The following DPP6 variants were observed in gnomAD, a reference collection of about 807,000 sequenced individuals.
The protein encoded by DPP6 is dipeptidyl peptidase like 6.
A neutral mutation model predicts 122.6 loss-of-function variants in DPP6; 69 were observed. That is an observed-to-expected ratio of 0.56 (90% CI 0.46 to 0.69). DPP6 has a LOEUF of 0.69. Ranked by LOEUF, DPP6 falls within the 30% of genes least tolerant of loss-of-function variation. The pLI is 0.00. For synonymous variants in DPP6, 418 were observed against 433.1 expected (o/e 0.97, Z 0.43); for missense variants, 928 against 1,116.9 (o/e 0.83, Z 2.41).
chr7:154,525,062 G>T (rs1303181007), intron 3 of DPP6, among the ~76,000 whole-genome samples: 1 of 152,198 alleles, frequency 6.6e-6, no homozygotes, highest in African/African-American at 2.4e-5. Context: ...CAAGTGTGTA[G>T]TTTTGAACAA....
At chr7:153,951,089 G>GA (rs1802188842) in intron 1 of DPP6, among the ~76,000 whole-genome samples, 1 of 144,476 alleles carries the variant, frequency 6.9e-6, no homozygotes, top group Admixed American at 7.2e-5. Context: ...TAAGAGGGAA[G>GA]AAATAAAAAA....
intron 1 of DPP6, among the ~76,000 whole-genome samples, chr7:153,941,759 A>C: frequency 6.6e-6 from 1 of 152,224 alleles, no homozygotes; most frequent in East Asian, 1.9e-4. Context: ...TAAGAAATGC[A>C]GTCCCAATCT....
chr7:154,848,325 C>G lies in DPP6; in HGVS notation c.1667-5455C>G, dbSNP rs1213531270. Among the ~76,000 whole-genome samples the G allele has an allele frequency of 3.9e-4, 55 of 140,542 alleles. 1 individual carries two copies. Among genetic ancestry groups the G allele is most frequent in the Non-Finnish European group, 8.0e-5 (5 of 62,116 alleles). 92.2% of individuals were successfully genotyped at this position (140,542 alleles called of 152,430 possible). On this transcript the variant is annotated intron_variant, in intron 16 of 25. Transcript: ENST00000377770. ...AGGTTTCCTTTTCTCCACATGCTTG[C>G]CGACACTTGTTAGCTTTTTTTTCTT...
At chr7:154,291,686 C>T (rs1170072315) in intron 1 of DPP6, among the ~76,000 whole-genome samples, 1 of 152,204 alleles carries the variant, frequency 6.6e-6, no homozygotes, top group Non-Finnish European at 1.5e-5. Context: ...TGACTCATTT[C>T]TTCATGTGGA....
upstream of DPP6, among the ~76,000 whole-genome samples, chr7:153,882,756 C>G (rs569228696): frequency 6.6e-6 from 1 of 151,974 alleles, no homozygotes; most frequent in African/African-American, 2.4e-5. Context: ...CATGGCAGAT[C>G]CTATGGGACT....
chr7:154,080,761 CA>C (rs1247057705), intron 1 of DPP6, among the ~76,000 whole-genome samples: 20 of 151,628 alleles, frequency 1.3e-4, no homozygotes, highest in Middle Eastern at 3.5e-3. Flanking sequence ...TTGAAACATG[CA>C]GTGGAAATAT....
intron 1 of DPP6, among the ~76,000 whole-genome samples, chr7:154,133,964 A>T (rs1222924839): frequency 2.0e-5 from 3 of 151,588 alleles, no homozygotes; most frequent in South Asian, 2.1e-4. Flanking sequence ...ATGTGATGGG[A>T]CACACCCCAT....
rs538352746 is a variant in DPP6, at chr7:154,335,725, C to T, written c.244-110489C>T. 6.6e-5 allele frequency among the ~76,000 whole-genome samples: 10 copies of T among 152,152 alleles called. No individual in the cohort carries two copies. The South Asian group carries it at 8.3e-4, about 13-fold the overall frequency. On this transcript the variant is annotated intron_variant, in intron 1 of 25. Coordinates refer to ENST00000377770, the MANE Select transcript of DPP6 (RefSeq NM_130797.4). ...TGCAGGCTCAGGAAAGTGACTGATG[C>T]GCTGTGTTCTAATGTGGAATTCTAC...
chr7:154,154,038 C>T (rs1796560709), intron 1 of DPP6, among the ~76,000 whole-genome samples: 1 of 152,230 alleles, frequency 6.6e-6, no homozygotes, highest in South Asian at 2.1e-4. Flanking sequence ...ATTGTTCCTT[C>T]AATTCCCATC....
Position 154,152,304 on chromosome 7 carries a change from TG to T in DPP6, c.243+99245del, listed in dbSNP as rs1292599034. ...AGCACATGAACCAGGGGTACAGGGA[TG>T]GGGTGCGACCAGCAGCTAATCTAAC... On this transcript the variant is annotated intron_variant, in intron 1 of 25. Coordinates refer to ENST00000377770, the MANE Select transcript of DPP6 (RefSeq NM_130797.4). Among the ~76,000 whole-genome samples, 13 of 152,112 alleles carry T rather than the reference TG, an allele frequency of 8.5e-5. No individual in the cohort carries two copies. In the East Asian group the frequency reaches 2.5e-3, roughly 29 times the overall value.
chr7:154,075,310 A>G (rs373085961), intron 1 of DPP6, among the ~76,000 whole-genome samples: 21 of 152,294 alleles, frequency 1.4e-4, no homozygotes, highest in Admixed American at 4.6e-4. Context: ...CTGTGTATCT[A>G]TCTACCCAGC....
At chr7:153,899,773 GGTGAGT>G in intron 1 of DPP6, among the ~76,000 whole-genome samples, 1 of 152,346 alleles carries the variant, frequency 6.6e-6, no homozygotes, top group East Asian at 1.9e-4. Flanking sequence ...TGAGTGTGTA[GGTGAGT>G]GTGAATGTGT....
chr7:154,867,713 A>G (rs1302902112), intron 17 of DPP6, among the ~76,000 whole-genome samples: 2 of 152,204 alleles, frequency 1.3e-5, no homozygotes, highest in East Asian at 1.9e-4. Context: ...TGTGCGTGTG[A>G]CGCCACGGAG....
intron 1 of DPP6, among the ~76,000 whole-genome samples, chr7:154,174,248 CTGAAATA>C (rs896676774): frequency 3.3e-5 from 5 of 152,132 alleles, no homozygotes; most frequent in Non-Finnish European, 7.4e-5. Context: ...CATTGGAAAA[CTGAAATA>C]ATAAAAAGAA....
At chr7:154,813,999 G>A (rs1488909536) in intron 16 of DPP6, among the ~76,000 whole-genome samples, 1 of 147,722 alleles carries the variant, frequency 6.8e-6, no homozygotes, top group African/African-American at 2.5e-5. Flanking sequence ...TCCTGCCTCA[G>A]CCTCTTGAGT....
intron 7 of DPP6, among the ~76,000 whole-genome samples, chr7:154,700,159 T>A (rs1248907017): frequency 6.6e-6 from 1 of 152,252 alleles, no homozygotes; most frequent in African/African-American, 2.4e-5. Flanking sequence ...CATCCATCAA[T>A]GCATGGCACC....
Position 154,476,394 on chromosome 7 carries a change from C to G in DPP6, c.457+1357C>G, listed in dbSNP as rs73726896. Among the ~76,000 whole-genome samples the G allele has an allele frequency of 3.3e-3, 508 of 152,320 alleles. 6 individuals carry two copies. Among genetic ancestry groups the G allele is most frequent in the African/African-American group, 0.011 (474 of 41,570 alleles). ...GCTGACCTGCTGAAATGTTCGTGTT[C>G]GTGTTCACTGTATGTTCGTGTACAC... On this transcript the variant is annotated intron_variant, in intron 3 of 25. Transcript: ENST00000377770.
chr7:153,791,789 C>T, the DPP6 span, among the ~76,000 whole-genome samples: 33 of 152,230 alleles, frequency 2.2e-4, no homozygotes, highest in Admixed American at 1.8e-3. Context: ...CTACTTAGTC[C>T]TATAATATAA....
At chr7:154,251,418 A>C (rs1459356984) in intron 1 of DPP6, among the ~76,000 whole-genome samples, 1 of 152,226 alleles carries the variant, frequency 6.6e-6, no homozygotes, top group Non-Finnish European at 1.5e-5. Context: ...CAGGTCTCCT[A>C]GGGAGATAAG....
Sources: gnomAD v4.1 joint callset for allele counts (sites outside exome capture counted in the v4.1 genomes callset) on GRCh38, gnomAD v4.1.1 for gene constraint, MANE v1.5 for transcripts, NCBI Gene and HGNC (gene_info 2026-07-23, HGNC 2026-07-21) for gene names.